NREP: variants seen among roughly 807,000 people sequenced by gnomAD.
NREP encodes the protein neuronal regeneration-related protein.
A neutral mutation model predicts 8.6 loss-of-function variants in NREP; 5 were observed. The ratio of observed to expected loss-of-function variants is 0.58; its 90% CI spans 0.30 to 1.22. The LOEUF (loss-of-function observed/expected upper bound fraction) is 1.22, where lower values mean the gene tolerates loss of function less well. NREP is among the 50% of genes most tolerant of loss of function. The pLI is 0.07. For missense variants in NREP, 86 were observed against 82.5 expected (o/e 1.04, Z -0.17); for synonymous variants, 27 against 28.0 (o/e 0.96, Z 0.11).
chr5:111,813,274 A>G (rs1164492347), intron 2 of NREP, among the ~76,000 whole-genome samples: 1 of 152,206 alleles, frequency 6.6e-6, no homozygotes, highest in Non-Finnish European at 1.5e-5. Context: ...GGCATATGGC[A>G]TATATGATTA....
At chr5:111,810,015 A>C (rs1752235690) in intron 2 of NREP, among the ~76,000 whole-genome samples, 1 of 151,936 alleles carries the variant, frequency 6.6e-6, no homozygotes, top group East Asian at 1.9e-4. Context: ...GACAGCAGTG[A>C]TCCAGGAACC....
chr5:111,845,917 A>G (rs970823318), intron 2 of NREP: 7 of 151,954 alleles, frequency 4.6e-5, no homozygotes, highest in Non-Finnish European at 7.4e-5. Flanking sequence ...TACATGTTCA[A>G]GACATGTTAA....
chr5:111,768,092 A>G (rs2112869861), intron 2 of NREP, among the ~76,000 whole-genome samples: 1 of 152,350 alleles, frequency 6.6e-6, no homozygotes, highest in Middle Eastern at 3.4e-3. Flanking sequence ...CTATAGGATA[A>G]TATGCATATT....
At chr5:111,843,204 A>T (rs1753075350) in intron 2 of NREP, among the ~76,000 whole-genome samples, 1 of 151,988 alleles carries the variant, frequency 6.6e-6, no homozygotes, top group African/African-American at 2.4e-5. Flanking sequence ...ATAGTGTCCT[A>T]AAAGTCCCAT....
chr5:111,789,164 T>C (rs1751681797), intron 2 of NREP, among the ~76,000 whole-genome samples: 1 of 152,230 alleles, frequency 6.6e-6, no homozygotes, highest in Non-Finnish European at 1.5e-5. Context: ...TATACACATA[T>C]ATGTGTATGC....
chr5:111,756,450 T>C (rs1218997581), intron 1 of NREP, among the ~76,000 whole-genome samples: 2 of 152,144 alleles, frequency 1.3e-5, no homozygotes, highest in Non-Finnish European at 2.9e-5. Context: ...ACCGCTCTTT[T>C]GTTAACACAG....
At chr5:111,922,128 G>C (rs1293088402) in intron 2 of NREP, among the ~76,000 whole-genome samples, 1 of 152,138 alleles carries the variant, frequency 6.6e-6, no homozygotes, top group Non-Finnish European at 1.5e-5. Flanking sequence ...TTTTGAAGGG[G>C]TATTTCTTAT....
chr5:111,866,510 A>T (rs1753667700), intron 2 of NREP, among the ~76,000 whole-genome samples: 1 of 152,224 alleles, frequency 6.6e-6, no homozygotes, highest in African/African-American at 2.4e-5. Context: ...GGTGCTGGAC[A>T]GGATGTGGAG....
At chr5:111,894,761 A>G (rs1453892545) in intron 2 of NREP, among the ~76,000 whole-genome samples, 9 of 152,226 alleles carry the variant, frequency 5.9e-5, no homozygotes, top group Admixed American at 5.9e-4. Flanking sequence ...CGACAGCCCT[A>G]TGGATGTGAT....
intron 2 of NREP, among the ~76,000 whole-genome samples, chr5:111,875,398 C>A (rs1465210933): frequency 6.6e-6 from 1 of 151,932 alleles, no homozygotes; most frequent in African/African-American, 2.4e-5. Flanking sequence ...TTCTGGAAAG[C>A]TGTCACTTTC....
chr5:111,928,086 T>C (rs1256522405), intron 2 of NREP, among the ~76,000 whole-genome samples: 1 of 152,112 alleles, frequency 6.6e-6, no homozygotes, highest in Non-Finnish European at 1.5e-5. Context: ...CACTTGACAG[T>C]TGCACCATGG....
chr5:111,891,273 G>C (rs1357056398), intron 2 of NREP, among the ~76,000 whole-genome samples: 1 of 152,212 alleles, frequency 6.6e-6, no homozygotes, highest in Non-Finnish European at 1.5e-5. Flanking sequence ...TAACACACAT[G>C]ATCTTTGCTC....
At chr5:111,937,415 C>T (rs768133867) in intron 2 of NREP, among the ~76,000 whole-genome samples, 1 of 152,042 alleles carries the variant, frequency 6.6e-6, no homozygotes, top group Non-Finnish European at 1.5e-5. Context: ...GGTCTCTTTC[C>T]AAGTATGAAG....
At position 111,753,368 on chromosome 5, in the gene NREP, T is replaced by C. The variant is rs553712694; in HGVS notation, c.3+2402A>G. Among the ~76,000 whole-genome samples, 368 of 147,538 alleles carry C rather than the reference T, an allele frequency of 2.5e-3. 4 individuals carry two copies. Among genetic ancestry groups the C allele is most frequent in the South Asian group, 0.024 (112 of 4,762 alleles). On this transcript the variant is annotated intron_variant, in intron 2 of 3. Transcript: ENST00000257435. Reference sequence around the variant, plus strand: ...TATATATATATGTATATATATATGATATGTAGATATATATAGATTATATAT... The same window carrying C: ...TATATATATATGTATATATATATGACATGTAGATATATATAGATTATATAT...
intron 2 of NREP, among the ~76,000 whole-genome samples, chr5:111,824,365 T>C (rs1319885727): frequency 2.0e-5 from 3 of 152,138 alleles, no homozygotes; most frequent in African/African-American, 7.2e-5. Flanking sequence ...CGAGACTCCG[T>C]CTCAAAAAAT....
At chr5:111,911,364 C>G (rs1186721286) in intron 2 of NREP, among the ~76,000 whole-genome samples, 2 of 152,084 alleles carry the variant, frequency 1.3e-5, no homozygotes, top group Non-Finnish European at 2.9e-5. Flanking sequence ...TACTTACACA[C>G]TTTGCAGAAG....
At chr5:111,950,785 C>CA (rs1201758056) in intron 2 of NREP, among the ~76,000 whole-genome samples, 1 of 150,646 alleles carries the variant, frequency 6.6e-6, no homozygotes, top group African/African-American at 2.4e-5. Context: ...TTTCTGTGGC[C>CA]AAAAAACACA....
chr5:111,728,977 GGAGT>G (rs1748327033), downstream of NREP: 1 of 152,140 alleles, frequency 6.6e-6, no homozygotes, highest in Non-Finnish European at 1.5e-5. Context: ...TTAATGGCAA[GGAGT>G]GAGAAAGAGT....
intron 2 of NREP, among the ~76,000 whole-genome samples, chr5:111,846,880 CA>C (rs1290795542): frequency 6.6e-6 from 1 of 152,024 alleles, no homozygotes; most frequent in Non-Finnish European, 1.5e-5. Context: ...GATTAGAAAC[CA>C]AAATTTGTTT....
Sources: gnomAD v4.1 joint callset for allele counts (sites outside exome capture counted in the v4.1 genomes callset) on GRCh38, gnomAD v4.1.1 for gene constraint, MANE v1.5 for transcripts, NCBI Gene and HGNC (gene_info 2026-07-23, HGNC 2026-07-21) for gene names.